The following CLASRP variants were observed in gnomAD, a reference collection of about 807,000 sequenced individuals.
The protein encoded by CLASRP is CLK4-associating serine/arginine rich protein.
Under a neutral mutation model 99.9 loss-of-function variants are expected in CLASRP, and 52 were observed. The observed-to-expected ratio is 0.52, with a 90% CI of 0.42 to 0.66. The LOEUF is 0.66. Among genes scored for constraint, CLASRP ranks in the 30% least tolerant of loss-of-function variants. CLASRP has a pLI of 0.00. For missense variants in CLASRP, 848 were observed against 999.2 expected (o/e 0.85, Z 2.04); for synonymous variants, 379 against 373.0 (o/e 1.02, Z -0.18).
chr19:45,062,751 G>A (rs1966970359), intron 11 of CLASRP, among the ~76,000 whole-genome samples: 1 of 152,152 alleles, frequency 6.6e-6, no homozygotes, highest in Non-Finnish European at 1.5e-5. Flanking sequence ...CAGCCTTGTG[G>A]TAAAAATGAC....
chr19:45,062,959 A>G (rs574885710), intron 11 of CLASRP, among the ~76,000 whole-genome samples: 22 of 152,220 alleles, frequency 1.4e-4, no homozygotes, highest in Non-Finnish European at 2.8e-4. Flanking sequence ...TCCAAGCTCC[A>G]TAGCTCTCTG....
chr19:45,041,650 C>G (rs903574071), intron 2 of CLASRP, among the ~76,000 whole-genome samples: 1 of 152,322 alleles, frequency 6.6e-6, no homozygotes, highest in South Asian at 2.1e-4. Context: ...GTCCAAGAGG[C>G]CTTTCTAAAG....
intron 7 of CLASRP, chr19:45,058,223 C>T (rs1972158932): frequency 2.9e-6 from 1 of 345,150 alleles, no homozygotes; most frequent in Non-Finnish European, 5.5e-6. Flanking sequence ...CTCTGGAAAA[C>T]AAGTGTTCAT....
In CLASRP at chr19:45,060,198, G is replaced by C. The variant is rs1351439834; in HGVS notation, c.711-191G>C. The stretch of plus-strand genomic sequence containing the variant: ...TGAGGATTTCTGTTTTTTTTTTTCA[G>C]TGCTCAGTTCTTGATACCTAAGATA... On this transcript the variant is annotated intron_variant, in intron 8 of 20. Coordinates refer to ENST00000221455, the MANE Select transcript of CLASRP (RefSeq NM_007056.3). The surrounding 1 kb of genome is among the most constrained non-coding windows in gnomAD (Gnocchi z 4.6). Among the ~76,000 whole-genome samples the C allele has an allele frequency of 1.3e-5, 2 of 150,884 alleles. No homozygotes were observed. Among genetic ancestry groups the C allele is most frequent in the Admixed American group, 6.6e-5 (1 of 15,166 alleles).
intron 2 of CLASRP, among the ~76,000 whole-genome samples, chr19:45,047,301 A>G (rs1021110134): frequency 2.6e-5 from 4 of 151,814 alleles, no homozygotes; most frequent in African/African-American, 9.7e-5. Flanking sequence ...TGATCCGCTG[A>G]TAAGTATCTA....
chr19:45,040,470 A>C, intron 2 of CLASRP, 159 bp downstream of exon 2: 1 of 556,210 alleles, frequency 1.8e-6, no homozygotes, highest in Non-Finnish European at 3.3e-6. Flanking sequence ...CATTGGTGGG[A>C]TCCCAAGGGC....
intron 5 of CLASRP, 113 bp from the exon 6 acceptor site, chr19:45,056,337 C>G: frequency 3.6e-6 from 3 of 835,066 alleles, no homozygotes; most frequent in Non-Finnish European, 6.1e-6. Flanking sequence ...GACTGCCCCC[C>G]AAGGTGCACT....
chr19:45,063,992 C>T lies in CLASRP; in HGVS notation c.906-20C>T, dbSNP rs979531471. ...GCTCCGGGAGCCTGAGCTAGTGAGC[C>T]TCCTCCTCCCTACCCGCAGGTCACC... On this transcript the variant is annotated intron_variant, in intron 11 of 20. Transcript: ENST00000221455. 14 of 1,591,002 alleles carry T rather than the reference C, an allele frequency of 8.8e-6. No individual in the cohort carries two copies. The highest frequency in any genetic ancestry group is 1.1e-5 in the South Asian group (1 of 88,504).
At position 45,060,401 on chromosome 19, in the gene CLASRP, A is replaced by G; in HGVS notation, c.723A>G (p.Lys241=). Residue 241 remains lysine, a synonymous_variant, in exon 9 of 21, where the codon AAA becomes AAG. Transcript: ENST00000221455. The surrounding 1 kb of genome is among the most constrained non-coding windows in gnomAD (Gnocchi z 4.6). ...CCCACCTCTATAGGATGCTCCGGAA[A>G]GACAAGGAGGAGGCAGAGGCCATCA... The part of the protein sequence containing the change: ...ADGDFVRMLR[K]DKEEAEAIKH... 6 of 1,614,122 alleles carry G rather than the reference A, an allele frequency of 3.7e-6. No homozygotes were observed. The highest frequency in any genetic ancestry group is 5.1e-6 in the Non-Finnish European group (6 of 1,179,984).
chr19:45,063,441 T>TTTTTTTTTTC (rs1966987619), intron 11 of CLASRP, among the ~76,000 whole-genome samples: 1 of 110,058 alleles, frequency 9.1e-6, no homozygotes, highest in Non-Finnish European at 1.9e-5. Flanking sequence ...CTTATCTTTT[T>TTTTTTTTTTC]TTTTTTTTTT....
rs756241064 is a variant in CLASRP at position 45,064,348 on chromosome 19, GCTCCTC to G, written c.1146_1151del (p.Ser384_Ser385del). 6.6e-5 allele frequency: 100 copies of G among 1,525,792 alleles called. No individual in the cohort carries two copies. The highest frequency in any genetic ancestry group is 6.4e-4 in the South Asian group (53 of 82,608). The allele number at this position is 1,525,792 out of a possible 1,614,324, so 94.5% of individuals were successfully genotyped here. On this transcript the variant is annotated inframe_deletion, in exon 13 of 21. Coordinates refer to ENST00000221455, the MANE Select transcript of CLASRP (RefSeq NM_007056.3). ...CCTCCGTGCCCCGCCTGCAGCCGCC[GCTCCTC>G]CTCCTCCTCCTCCTCCTCTTCTGCC...
intron 2 of CLASRP, chr19:45,040,637 A>G (rs1035167331): frequency 1.3e-5 from 3 of 235,206 alleles, no homozygotes; most frequent in African/African-American, 4.4e-5. Flanking sequence ...TGTGTTCCCC[A>G]TTCCCAGAAG....
chr19:45,059,261 G>C lies in CLASRP; in HGVS notation c.614-7G>C. ...CGTGGCTCCTGACAGCCTTTCTCTT[G>C]GTGCAGACGTGGAGGTGGACGTGGA... is the stretch of plus-strand genomic sequence containing the variant. On this transcript the variant is annotated splice_polypyrimidine_tract_variant and splice_region_variant and intron_variant, in intron 7 of 20. Transcript: ENST00000221455. 1.9e-6 allele frequency: 3 copies of C among 1,607,046 alleles called. No homozygotes were observed. The highest frequency in any genetic ancestry group is 2.5e-6 in the Non-Finnish European group (3 of 1,176,486).
intron 6 of CLASRP, 45 bp downstream of exon 6, chr19:45,056,579 C>G: frequency 3.9e-6 from 6 of 1,523,402 alleles, no homozygotes; most frequent in Non-Finnish European, 5.5e-6. Flanking sequence ...GGCAGGAGGG[C>G]TGGGAGCCCC....
rs772907561 is a variant in CLASRP at position 45,056,544 on chromosome 19, G to T, written c.464+10G>T. On this transcript the variant is annotated intron_variant, in intron 6 of 20. Coordinates refer to ENST00000221455, the MANE Select transcript of CLASRP (RefSeq NM_007056.3). ...AAGATGAGAAGAAGAAGTGAGTCGG[G>T]GTCTGGGGTGCAGGGGGTTGAGGAG... The T allele has an allele frequency of 4.9e-5, 79 of 1,612,240 alleles. No individual in the cohort carries two copies. Among genetic ancestry groups the T allele is most frequent in the Middle Eastern group, 3.6e-4 (2 of 5,488 alleles).
At chr19:45,062,857 G>A (rs1240651333) in intron 11 of CLASRP, among the ~76,000 whole-genome samples, 3 of 152,266 alleles carry the variant, frequency 2.0e-5, no homozygotes, top group Middle Eastern at 3.4e-3. Context: ...CAGTAGCACC[G>A]CTGGGCACAG....
Position 45,052,902 on chromosome 19 carries a change from C to T in CLASRP, c.299+10C>T, listed in dbSNP as rs768567792. 1 of 1,596,360 alleles carries T rather than the reference C, an allele frequency of 6.3e-7. No homozygotes were observed. The highest frequency in any genetic ancestry group is 1.1e-5 in the South Asian group (1 of 89,166). ...CTCTGCTCACCACCATGTAAGCCAC[C>T]TCCCAGGGGGTTGCCAGGCACAGCG... On this transcript the variant is annotated intron_variant, in intron 4 of 20. Transcript: ENST00000221455.
intron 2 of CLASRP, among the ~76,000 whole-genome samples, chr19:45,042,921 CCA>C (rs1188995410): frequency 6.6e-6 from 1 of 152,068 alleles, no homozygotes; most frequent in Non-Finnish European, 1.5e-5. Flanking sequence ...CCGGCTAGCT[CCA>C]AAATCTGAAA....
At position 45,069,226 on chromosome 19, in the gene CLASRP, A is replaced by T. The variant is rs1462492816; in HGVS notation, c.1852A>T (p.Met618Leu). Residue 618 changes from methionine (M) to leucine (L), a missense_variant, in exon 18 of 21, where the codon ATG (methionine) becomes TTG (leucine). Physicochemically the swap from Met to Leu is conservative, Grantham distance 15. Coordinates refer to ENST00000221455, the MANE Select transcript of CLASRP (RefSeq NM_007056.3). ...GGAGCGGGAAGACGAGCTTCGAGCC[A>T]TGGCCCGCAAGATCCGCATGAAGTA... Reference protein sequence around the residue: ...RQEREDELRAMARKIRMKERE... With the variant: ...RQEREDELRALARKIRMKERE... 1 of 1,613,852 alleles carries T rather than the reference A, an allele frequency of 6.2e-7. No homozygotes were observed.
Sources: allele counts gnomAD v4.1 joint callset (sites outside exome capture counted in the v4.1 genomes callset), GRCh38; gene constraint gnomAD v4.1.1; non-coding constraint Gnocchi (gnomAD v3.1); transcripts MANE v1.5; gene names NCBI Gene and HGNC (gene_info 2026-07-23, HGNC 2026-07-21).